Variants in YTHDF3 observed in about 807,000 individuals in gnomAD.
YTHDF3 encodes the protein YTH N6-methyladenosine RNA binding protein F3.
In YTHDF3, 9 loss-of-function variants were observed where a neutral mutation model predicts 52.5. The observed-to-expected ratio is 0.17, with a 90% CI of 0.10 to 0.30. The LOEUF (loss-of-function observed/expected upper bound fraction) is 0.30, where lower values mean the gene tolerates loss of function less well. Among genes scored for constraint, YTHDF3 ranks in the 10% least tolerant of loss-of-function variants. The pLI, the probability that YTHDF3 is intolerant of heterozygous loss-of-function variation, is 1.00. For missense variants in YTHDF3, 534 were observed against 715.0 expected, an observed-to-expected ratio of 0.75 and a Z score of 2.89; for synonymous variants, 274 against 243.3, an observed-to-expected ratio of 1.13 and a Z score of -1.18.
At position 63,210,245 on chromosome 8, in the gene YTHDF3, C is replaced by T. The variant is rs1023092648; in HGVS notation, c.*539C>T. 2 of 152,696 alleles carry T rather than the reference C, an allele frequency of 1.3e-5. No homozygotes were observed. The highest frequency in any genetic ancestry group is 4.8e-5 in the African/African-American group (2 of 41,416). The allele number at this position is 152,696 out of a possible 1,614,324, so 9.5% of individuals were successfully genotyped here. The stretch of plus-strand genomic sequence containing the variant: ...TAAACTTTTAATATGGCAAAGCAAC[C>T]TTAAGCTCTATTTTAGCCAAATGAA... On this transcript the variant is annotated 3_prime_UTR_variant, in exon 5 of 5. Transcript: ENST00000539294.
rs370552021 is a variant in YTHDF3, at chr8:63,180,813, A to C, written c.136-5334A>C. Among the ~76,000 whole-genome samples the C allele has an allele frequency of 2.3e-4, 35 of 152,324 alleles. No homozygotes were observed. In the East Asian group the frequency reaches 5.0e-3, roughly 22 times the overall value. ...ACAGCGAAACCCCGTCTACACCAAA[A>C]AAATACGAAAACCAGTCAGGCGTGG... On this transcript the variant is annotated intron_variant, in intron 3 of 4. Coordinates refer to ENST00000539294, the MANE Select transcript of YTHDF3 (RefSeq NM_152758.6).
intron 3 of YTHDF3, among the ~76,000 whole-genome samples, chr8:63,175,893 A>AT (rs1483147003): frequency 1.3e-5 from 2 of 152,156 alleles, no homozygotes; most frequent in East Asian, 1.9e-4. Context: ...ACTATTGAAA[A>AT]TTTTAACATA....
At chr8:63,179,263 C>A (rs532044103) in intron 3 of YTHDF3, among the ~76,000 whole-genome samples, 96 of 150,822 alleles carry the variant, frequency 6.4e-4, no homozygotes, top group Non-Finnish European at 1.1e-3. Flanking sequence ...GTGTTTCTCG[C>A]AGAGGGGGAT....
chr8:63,178,679 CAA>C (rs1488979849), intron 3 of YTHDF3, among the ~76,000 whole-genome samples: 3 of 152,230 alleles, frequency 2.0e-5, no homozygotes, highest in South Asian at 4.1e-4. Flanking sequence ...TTATCTCTAA[CAA>C]GATACATATT....
rs544981437 is a variant in YTHDF3, at chr8:63,210,048, T to G, written c.*342T>G. Reference sequence around the variant, plus strand: ...CTTTGAATTTGTTAAATACTAACAGTTAACCATTAGAAGTGGTTCAATGAT... The same window carrying G: ...CTTTGAATTTGTTAAATACTAACAGGTAACCATTAGAAGTGGTTCAATGAT... On this transcript the variant is annotated 3_prime_UTR_variant, in exon 5 of 5. Transcript: ENST00000539294. 6.3e-5 allele frequency: 13 copies of G among 206,726 alleles called. No homozygotes were observed. The highest frequency in any genetic ancestry group is 1.4e-4 in the South Asian group (1 of 6,966). The allele number at this position is 206,726 out of a possible 1,614,324, so 12.8% of individuals were successfully genotyped here. A position where few individuals can be genotyped will look rare whatever the true frequency, so the allele number is the denominator to read the frequency against.
chr8:63,206,387 C>T lies in YTHDF3; in HGVS notation c.1735-3296C>T, dbSNP rs547878246. 3.9e-5 allele frequency among the ~76,000 whole-genome samples: 6 copies of T among 152,216 alleles called. No homozygotes were observed. In the South Asian group the frequency reaches 1.2e-3, roughly 32 times the overall value. On this transcript the variant is annotated intron_variant, in intron 4 of 4. Coordinates refer to ENST00000539294, the MANE Select transcript of YTHDF3 (RefSeq NM_152758.6). ...TGTAACTCCTGTTCTTTTGCCTGCT[C>T]CAAACTTCATTCATCTTAGTAGGGG...
At chr8:63,173,000 C>T (rs968459122) in intron 2 of YTHDF3, among the ~76,000 whole-genome samples, 5 of 151,542 alleles carry the variant, frequency 3.3e-5, no homozygotes, top group Admixed American at 2.6e-4. Flanking sequence ...AATTGCTTCT[C>T]GGTATATGTG....
At chr8:63,189,093 C>G (rs184638446) in intron 4 of YTHDF3, 2 of 152,124 alleles carry the variant, frequency 1.3e-5, no homozygotes, top group Non-Finnish European at 2.9e-5. Context: ...AGAGGCTTTG[C>G]AGAATTTGAT....
intron 4 of YTHDF3, among the ~76,000 whole-genome samples, chr8:63,199,035 G>A (rs1809422797): frequency 6.6e-6 from 1 of 152,000 alleles, no homozygotes; most frequent in Non-Finnish European, 1.5e-5. Flanking sequence ...TAGTCAAGAT[G>A]ATTGAGTTTT....
chr8:63,181,732 CA>C (rs1174770102), intron 3 of YTHDF3, among the ~76,000 whole-genome samples: 2 of 152,152 alleles, frequency 1.3e-5, no homozygotes, highest in African/African-American at 2.4e-5. Flanking sequence ...GAAGTGCTCC[CA>C]GTTGGAGACC....
At chr8:63,195,054 T>C (rs1003900395) in intron 4 of YTHDF3, among the ~76,000 whole-genome samples, 6 of 152,212 alleles carry the variant, frequency 3.9e-5, no homozygotes, top group African/African-American at 1.4e-4. Context: ...CGGCTTGCCT[T>C]GCCAGCCAAC....
chr8:63,172,762 C>G (rs1807414931), intron 2 of YTHDF3: 3 of 1,231,488 alleles, frequency 2.4e-6, no homozygotes, highest in Non-Finnish European at 3.0e-6. Flanking sequence ...TGATTTGACT[C>G]TGTTTCATAG....
chr8:63,172,293 C>G (rs994492037), intron 2 of YTHDF3, among the ~76,000 whole-genome samples: 1 of 152,064 alleles, frequency 6.6e-6, no homozygotes, highest in African/African-American at 2.4e-5. Context: ...GTGTCAGATG[C>G]CATACTTACA....
At chr8:63,178,963 T>G (rs552613204) in intron 3 of YTHDF3, among the ~76,000 whole-genome samples, 31 of 152,306 alleles carry the variant, frequency 2.0e-4, no homozygotes, top group African/African-American at 7.0e-4. Context: ...CAGTGTGTTT[T>G]AAAAATTAAA....
intron 4 of YTHDF3, among the ~76,000 whole-genome samples, chr8:63,188,166 C>T (rs746542965): frequency 6.6e-6 from 1 of 151,944 alleles, no homozygotes; most frequent in Non-Finnish European, 1.5e-5. Flanking sequence ...CTGTGTTGCC[C>T]AGGCTGGAGT....
rs772608530 is a variant in YTHDF3 at position 63,186,801 on chromosome 8, G to C, written c.790G>C (p.Ala264Pro). ...PKGNVGIGGS[A>P]VPPPPIKHNM... ...GGGCAATGTGGGAATTGGGGGTTCT[G>C]CTGTACCACCACCTCCTATAAAACA... The change falls in exon 4 of 5, where the codon GCT becomes CCT. Residue 264 changes from alanine (A) to proline (P), a missense_variant. By Grantham distance (27) the Ala-to-Pro change is conservative (BLOSUM62 -1). Around this residue, in one of 3 missense-constraint regions of YTHDF3, gnomAD observed 203 missense variants for 201.3 expected, o/e 1.01. Transcript: ENST00000539294. 6.2e-7 allele frequency: 1 copy of C among 1,613,988 alleles called. No individual in the cohort carries two copies. Among genetic ancestry groups the C allele is most frequent in the Non-Finnish European group, 8.5e-7 (1 of 1,179,896 alleles).
chr8:63,205,242 G>C (rs1326013944), intron 4 of YTHDF3, among the ~76,000 whole-genome samples: 1 of 151,982 alleles, frequency 6.6e-6, no homozygotes, highest in East Asian at 1.9e-4. Context: ...ACTATAACTA[G>C]GGACTTAGTC....
intron 4 of YTHDF3, among the ~76,000 whole-genome samples, chr8:63,200,093 C>A (rs1481286565): frequency 6.6e-6 from 1 of 152,208 alleles, no homozygotes; most frequent in African/African-American, 2.4e-5. Flanking sequence ...CTTGAGGTCT[C>A]ATTGTGAATA....
chr8:63,186,361 C>A lies in YTHDF3; in HGVS notation c.350C>A (p.Pro117Gln). 6.2e-7 allele frequency: 1 copy of A among 1,614,002 alleles called. No homozygotes were observed. Among genetic ancestry groups the A allele is most frequent in the South Asian group, 1.1e-5 (1 of 91,080 alleles). Residue 117 changes from proline (P) to glutamine (Q), a missense_variant, in exon 4 of 5, where the codon CCA becomes CAA. Physicochemically the swap from Pro to Gln is moderately conservative, Grantham distance 76. This residue lies in a region of YTHDF3 where 196 missense variants were observed against 299.5 expected (regional missense o/e 0.65). Coordinates refer to ENST00000539294, the MANE Select transcript of YTHDF3 (RefSeq NM_152758.6). ...CCTGGGGCATTAGGAAATACCCCTC[C>A]ATTTCTTGGTCAACATGGATTTAAC... ...SQPGALGNTPPFLGQHGFNFF... is the reference protein window; with the variant it reads ...SQPGALGNTPQFLGQHGFNFF...
Sources: allele counts gnomAD v4.1 joint callset (sites outside exome capture counted in the v4.1 genomes callset), GRCh38; gene constraint gnomAD v4.1.1; regional missense constraint gnomAD v4.1.1; transcripts MANE v1.5; gene names NCBI Gene and HGNC (gene_info 2026-07-23, HGNC 2026-07-21).